Variants in CELF4 observed in about 807,000 individuals in gnomAD.
CELF4 encodes the protein CUG-BP- and ETR-3-like factor 4.
In CELF4, 18 loss-of-function variants were observed where a neutral mutation model predicts 59.9. The observed-to-expected ratio is 0.30, with a 90% CI of 0.21 to 0.45. CELF4 has a LOEUF of 0.45. Among genes scored for constraint, CELF4 ranks in the 20% least tolerant of loss-of-function variants. The pLI, the probability that CELF4 is intolerant of heterozygous loss-of-function variation, is 1.00. For missense variants in CELF4, 456 were observed against 689.0 expected (o/e 0.66, Z 3.79); for synonymous variants, 261 against 267.1 (o/e 0.98, Z 0.22).
chr18:37,327,033 T>C (rs2097341286), intron 2 of CELF4, among the ~76,000 whole-genome samples: 1 of 152,170 alleles, frequency 6.6e-6, no homozygotes, highest in Admixed American at 6.5e-5. Context: ...ACAATTAGAA[T>C]AAATACGATG....
intron 2 of CELF4, among the ~76,000 whole-genome samples, chr18:37,345,957 C>A (rs187271269): frequency 2.8e-4 from 43 of 152,100 alleles, no homozygotes; most frequent in Non-Finnish European, 4.0e-4. Context: ...GGAGTTCTGT[C>A]CCATTTCCTG....
intron 2 of CELF4, among the ~76,000 whole-genome samples, chr18:37,324,392 T>G (rs927152942): frequency 6.6e-6 from 1 of 152,124 alleles, no homozygotes; most frequent in East Asian, 1.9e-4. Context: ...ACCAGGGATG[T>G]GCACACAGAG....
chr18:37,519,765 C>T (rs2099955090), intron 1 of CELF4, among the ~76,000 whole-genome samples: 1 of 152,208 alleles, frequency 6.6e-6, no homozygotes, highest in African/African-American at 2.4e-5. Context: ...GCTTGCTGGG[C>T]ACTGTCTTAC....
At chr18:37,341,044 C>T (rs576077029) in intron 2 of CELF4, among the ~76,000 whole-genome samples, 38 of 152,328 alleles carry the variant, frequency 2.5e-4, no homozygotes, top group African/African-American at 9.1e-4. Context: ...TGAAAAGAAC[C>T]ACCTTGGTGA....
rs1013882926 is a variant in CELF4, at chr18:37,266,468, G to A, written c.1165+65C>T. On this transcript the variant is annotated intron_variant, in intron 9 of 12. Transcript: ENST00000420428. ...TGGCCCCAGGCCTGAGGGGGCACTGGTGTCACAGGCGTGGAGAGATAAACG... is the reference window on the plus strand; with the variant it reads ...TGGCCCCAGGCCTGAGGGGGCACTGATGTCACAGGCGTGGAGAGATAAACG... The A allele has an allele frequency of 2.8e-6, 4 of 1,436,102 alleles. No individual in the cohort carries two copies. In the African/African-American group the frequency reaches 4.2e-5, roughly 15 times the overall value. 89.0% of individuals were successfully genotyped at this position (1,436,102 alleles called of 1,614,324 possible). A position where few individuals can be genotyped will look rare whatever the true frequency, so the allele number is the denominator to read the frequency against.
chr18:37,434,975 TC>T (rs2099685409), intron 2 of CELF4, among the ~76,000 whole-genome samples: 1 of 151,986 alleles, frequency 6.6e-6, no homozygotes, highest in Admixed American at 6.6e-5. Context: ...CCTCCAAAAC[TC>T]TTGGGGGAGA....
At chr18:37,440,569 G>T (rs1264269882) in intron 2 of CELF4, among the ~76,000 whole-genome samples, 1 of 152,212 alleles carries the variant, frequency 6.6e-6, no homozygotes. Context: ...GCACAGAGGA[G>T]AAGTGGTGTC....
At chr18:37,549,233 C>G (rs1176830611) in intron 1 of CELF4, among the ~76,000 whole-genome samples, 2 of 152,178 alleles carry the variant, frequency 1.3e-5, no homozygotes, top group African/African-American at 4.8e-5. Flanking sequence ...TCCAAACCAT[C>G]CTAGAGCAGT....
intron 2 of CELF4, among the ~76,000 whole-genome samples, chr18:37,333,958 G>A (rs918983394): frequency 6.6e-6 from 1 of 152,028 alleles, no homozygotes; most frequent in Admixed American, 6.5e-5. Flanking sequence ...GAGGGCACCG[G>A]GTCCATCCTT....
chr18:37,460,429 G>A (rs2099790365), intron 2 of CELF4, among the ~76,000 whole-genome samples: 1 of 152,182 alleles, frequency 6.6e-6, no homozygotes, highest in Admixed American at 6.5e-5. Flanking sequence ...TAACAGTGAT[G>A]AGGTCTGGAT....
At position 37,315,740 on chromosome 18, in the gene CELF4, G is replaced by C. The variant is rs115852034; in HGVS notation, c.448+6063C>G. On this transcript the variant is annotated intron_variant, in intron 3 of 12. Transcript: ENST00000420428. Reference sequence around the variant, plus strand: ...AAGAAACGTCCTCCCCAGGGACACAGGGGAGATAGCACGCATCTGCAGTCT... The same window carrying C: ...AAGAAACGTCCTCCCCAGGGACACACGGGAGATAGCACGCATCTGCAGTCT... Among the ~76,000 whole-genome samples the C allele has an allele frequency of 3.8e-3, 572 of 152,266 alleles. 5 individuals are homozygous for C. Among genetic ancestry groups the C allele is most frequent in the African/African-American group, 0.013 (547 of 41,546 alleles).
chr18:37,364,314 T>C (rs2098748186), intron 2 of CELF4, among the ~76,000 whole-genome samples: 1 of 152,164 alleles, frequency 6.6e-6, no homozygotes, highest in Non-Finnish European at 1.5e-5. Context: ...CAAGGTCCTT[T>C]CCCCGGGGCA....
chr18:37,349,110 A>AG (rs1180301545), intron 2 of CELF4, among the ~76,000 whole-genome samples: 2 of 152,210 alleles, frequency 1.3e-5, no homozygotes, highest in Admixed American at 6.5e-5. Context: ...GGGATGAAGC[A>AG]GGGGGAGGTG....
intron 9 of CELF4, 32 bp from the exon 10 acceptor site, chr18:37,264,789 C>T (rs771804766): frequency 1.2e-5 from 19 of 1,521,648 alleles, no homozygotes; most frequent in East Asian, 4.8e-5. Context: ...CAAGAGCCGG[C>T]GACAAGGCAG....
intron 2 of CELF4, among the ~76,000 whole-genome samples, chr18:37,408,094 G>C (rs2099402442): frequency 6.6e-6 from 1 of 152,186 alleles, no homozygotes; most frequent in Non-Finnish European, 1.5e-5. Context: ...ATTTGGAATA[G>C]CTCTGAATCA....
At chr18:37,351,821 C>T (rs899097224) in intron 2 of CELF4, among the ~76,000 whole-genome samples, 15 of 151,982 alleles carry the variant, frequency 9.9e-5, no homozygotes, top group Non-Finnish European at 1.6e-4. Context: ...GCCATCTTAG[C>T]GAGGCTGGTC....
At chr18:37,315,276 GGACA>G (rs2096828090) in intron 3 of CELF4, among the ~76,000 whole-genome samples, 2 of 152,126 alleles carry the variant, frequency 1.3e-5, no homozygotes, top group Admixed American at 1.3e-4. Context: ...GGAGCCCACA[GGACA>G]GACAGAGACA....
chr18:37,414,498 CTTTTCTTTTTTTTT>C (rs1415282897), intron 2 of CELF4, among the ~76,000 whole-genome samples: 1 of 66,046 alleles, frequency 1.5e-5, no homozygotes, highest in Non-Finnish European at 3.2e-5. Context: ...TTTTTCTTTT[CTTTTCTTTTTTTTT>C]TTTTTTTGAG....
chr18:37,518,619 A>C (rs1450219826), intron 1 of CELF4, among the ~76,000 whole-genome samples: 1 of 151,954 alleles, frequency 6.6e-6, no homozygotes, highest in Admixed American at 6.6e-5. Flanking sequence ...AAAGCCCCCT[A>C]GGCTCCTGAA....
Sources: allele counts gnomAD v4.1 joint callset (sites outside exome capture counted in the v4.1 genomes callset), GRCh38; gene constraint gnomAD v4.1.1; transcripts MANE v1.5; gene names NCBI Gene and HGNC (gene_info 2026-07-23, HGNC 2026-07-21).